The following ADCY8 variants were observed in gnomAD, a reference collection of about 807,000 sequenced individuals.
The protein encoded by ADCY8 is adenylate cyclase type 8.
ADCY8 carries 51 observed loss-of-function variants against 119.7 expected under a neutral mutation model. The observed-to-expected ratio is 0.43, with a 90% CI of 0.34 to 0.54. The LOEUF is 0.54. ADCY8 is among the 20% of genes least tolerant of loss of function. The pLI is 0.03. For synonymous variants in ADCY8, 665 were observed against 651.0 expected (o/e 1.02, Z -0.33); for missense variants, 1,383 against 1,598.8 (o/e 0.87, Z 2.30).
At chr8:130,802,752 C>T (rs1172008242) in intron 14 of ADCY8, among the ~76,000 whole-genome samples, 1 of 152,220 alleles carries the variant, frequency 6.6e-6, no homozygotes, top group Non-Finnish European at 1.5e-5. Flanking sequence ...TGTGTTTCTT[C>T]TCCGCTAGAT....
chr8:130,914,357 C>T (rs1281026538), intron 5 of ADCY8, among the ~76,000 whole-genome samples: 1 of 152,162 alleles, frequency 6.6e-6, no homozygotes, highest in Non-Finnish European at 1.5e-5. Flanking sequence ...TGTCATTAGG[C>T]AATTAACATT....
At position 130,861,596 on chromosome 8, in the gene ADCY8, G is replaced by T. The variant is rs555027394; in HGVS notation, c.2210+6250C>A. On this transcript the variant is annotated intron_variant, in intron 9 of 17. Coordinates refer to ENST00000286355, the MANE Select transcript of ADCY8 (RefSeq NM_001115.3). The stretch of plus-strand genomic sequence containing the variant: ...TTTGGTGGGTCCTTTGGGATTTTCT[G>T]TATAGAAAGTTATGTCATTGGTAGA... 3.9e-5 allele frequency among the ~76,000 whole-genome samples: 6 copies of T among 152,186 alleles called. No homozygotes were observed. The South Asian group carries it at 6.2e-4, about 16-fold the overall frequency.
At chr8:131,007,997 G>T (rs1332773638) in intron 1 of ADCY8, among the ~76,000 whole-genome samples, 3 of 152,178 alleles carry the variant, frequency 2.0e-5, no homozygotes, top group African/African-American at 7.2e-5. Flanking sequence ...AGCCAATGAG[G>T]TAGGTGCTAC....
At chr8:130,793,203 T>C (rs912319237) in intron 15 of ADCY8, among the ~76,000 whole-genome samples, 5 of 152,144 alleles carry the variant, frequency 3.3e-5, no homozygotes, top group African/African-American at 7.2e-5. Flanking sequence ...GCTGTTTCTA[T>C]GGATCAGTTC....
chr8:130,790,314 A>G (rs1433975316), intron 15 of ADCY8, among the ~76,000 whole-genome samples: 2 of 152,126 alleles, frequency 1.3e-5, no homozygotes, highest in South Asian at 4.2e-4. Flanking sequence ...TGAATTCCCC[A>G]GTTTGAAATG....
chr8:130,872,081 C>A (rs958448080), intron 8 of ADCY8, among the ~76,000 whole-genome samples: 4 of 152,080 alleles, frequency 2.6e-5, no homozygotes, highest in African/African-American at 9.7e-5. Flanking sequence ...ACACTTGGAA[C>A]AAATTACAAA....
chr8:130,956,792 G>A (rs750390343), intron 2 of ADCY8, among the ~76,000 whole-genome samples: 1 of 152,130 alleles, frequency 6.6e-6, no homozygotes, highest in Non-Finnish European at 1.5e-5. Context: ...TTGATGGTTT[G>A]ATAAGGAAAA....
intron 1 of ADCY8, among the ~76,000 whole-genome samples, chr8:131,011,592 A>G (rs1237232621): frequency 6.6e-6 from 1 of 152,200 alleles, no homozygotes; most frequent in African/African-American, 2.4e-5. Flanking sequence ...GGCTAGCTGT[A>G]ATCATCTAAA....
At chr8:130,959,780 T>C (rs946993734) in intron 2 of ADCY8, among the ~76,000 whole-genome samples, 6 of 152,250 alleles carry the variant, frequency 3.9e-5, no homozygotes, top group Admixed American at 1.3e-4. Flanking sequence ...AAAGGCCTGA[T>C]TGAAGAGGGC....
chr8:130,982,390 G>A (rs1377642379), intron 2 of ADCY8, among the ~76,000 whole-genome samples: 1 of 152,262 alleles, frequency 6.6e-6, no homozygotes, highest in East Asian at 1.9e-4. Context: ...AGGGGGGCGG[G>A]GCATCTGAGC....
intron 5 of ADCY8, among the ~76,000 whole-genome samples, chr8:130,925,533 G>T (rs1820440148): frequency 6.6e-6 from 1 of 152,074 alleles, no homozygotes; most frequent in African/African-American, 2.4e-5. Context: ...CAGGAAACAG[G>T]GTAGGTCTGT....
chr8:130,918,317 G>C (rs950711980), intron 5 of ADCY8, among the ~76,000 whole-genome samples: 3 of 152,152 alleles, frequency 2.0e-5, no homozygotes, highest in Non-Finnish European at 2.9e-5. Context: ...AAGGTGGAGA[G>C]AGAGAGCCAG....
chr8:130,820,767 A>G (rs1369945464), intron 13 of ADCY8, among the ~76,000 whole-genome samples: 1 of 152,188 alleles, frequency 6.6e-6, no homozygotes, highest in Non-Finnish European at 1.5e-5. Flanking sequence ...CAGGCATTTT[A>G]TCTAATTAGG....
Position 130,900,627 on chromosome 8 carries a change from A to G in ADCY8, c.1911+3145T>C, listed in dbSNP as rs1819566060. 2.0e-5 allele frequency among the ~76,000 whole-genome samples: 3 copies of G among 152,094 alleles called. No individual in the cohort carries two copies. In the South Asian group the frequency reaches 6.2e-4, roughly 32 times the overall value. On this transcript the variant is annotated intron_variant, in intron 7 of 17. Coordinates refer to ENST00000286355, the MANE Select transcript of ADCY8 (RefSeq NM_001115.3). ...ATACTCTAGGCTTCTGTGACACCAC[A>G]TTCCCTAGTTCTCTTCTGACAACTT...
At chr8:130,985,100 T>C (rs957826239) in intron 2 of ADCY8, among the ~76,000 whole-genome samples, 1 of 152,092 alleles carries the variant, frequency 6.6e-6, no homozygotes, top group Non-Finnish European at 1.5e-5. Context: ...GAAAATCAAG[T>C]TCCCCCTAGT....
intron 15 of ADCY8, among the ~76,000 whole-genome samples, chr8:130,795,927 T>G (rs1210713127): frequency 1.3e-5 from 2 of 152,104 alleles, no homozygotes; most frequent in African/African-American, 4.8e-5. Flanking sequence ...GGTACACAGG[T>G]CTTCAGCCTT....
Position 130,884,553 on chromosome 8 carries a change from C to T in ADCY8, c.2109+11G>A. ...CTCAGAAAAAGAGCCGCTGTGGAGA[C>T]CCAGCTCTACCTTGTGCTCCAGGCT... On this transcript the variant is annotated intron_variant, in intron 8 of 17. Transcript: ENST00000286355. 1 of 1,613,402 alleles carries T rather than the reference C, an allele frequency of 6.2e-7. No homozygotes were observed. Among genetic ancestry groups the T allele is most frequent in the Non-Finnish European group, 8.5e-7 (1 of 1,179,680 alleles).
chr8:130,783,974 A>T (rs1159658048), intron 16 of ADCY8, among the ~76,000 whole-genome samples, 169 bp from the exon 17 acceptor site: 2 of 152,192 alleles, frequency 1.3e-5, no homozygotes, highest in Non-Finnish European at 2.9e-5. Flanking sequence ...ATCTCAGAAC[A>T]TGGGAAGACA....
intron 4 of ADCY8, among the ~76,000 whole-genome samples, chr8:130,942,335 T>A (rs1478102353): frequency 6.6e-6 from 1 of 152,340 alleles, no homozygotes; most frequent in Non-Finnish European, 1.5e-5. Flanking sequence ...TCAAGAAGTC[T>A]TCTCTCATCT....
Sources: gnomAD v4.1 joint callset for allele counts (sites outside exome capture counted in the v4.1 genomes callset) on GRCh38, gnomAD v4.1.1 for gene constraint, MANE v1.5 for transcripts, NCBI Gene and HGNC (gene_info 2026-07-23, HGNC 2026-07-21) for gene names.